Variants in DNAH14 observed in about 807,000 individuals in gnomAD.
DNAH14 encodes the protein dynein axonemal heavy chain 14, also known as axonemal beta dynein heavy chain 14.
In DNAH14, 478 loss-of-function variants were observed where a neutral mutation model predicts 520.9. The observed-to-expected ratio is 0.92, with a 90% CI of 0.85 to 0.99. The LOEUF (loss-of-function observed/expected upper bound fraction) is 0.99, where lower values mean the gene tolerates loss of function less well. DNAH14 is among the 50% of genes least tolerant of loss of function. The pLI is 0.00. For missense variants in DNAH14, 4,831 were observed against 5,234.5 expected (o/e 0.92, Z 2.38); for synonymous variants, 1,581 against 1,757.2 (o/e 0.90, Z 2.51).
intron 11 of DNAH14, among the ~76,000 whole-genome samples, chr1:225,033,649 A>G (rs983793137): frequency 6.6e-6 from 1 of 152,168 alleles, no homozygotes; most frequent in African/African-American, 2.4e-5. Flanking sequence ...ATAGCATTGA[A>G]TCTGTAAATT....
intron 43 of DNAH14, among the ~76,000 whole-genome samples, chr1:225,244,254 C>T (rs1210138962): frequency 6.6e-6 from 1 of 152,100 alleles, no homozygotes; most frequent in Non-Finnish European, 1.5e-5. Context: ...ATTCATTTTG[C>T]CAGTATTTTA....
chr1:224,936,205 A>T (rs1036305178), intron 1 of DNAH14, among the ~76,000 whole-genome samples: 1 of 151,854 alleles, frequency 6.6e-6, no homozygotes, highest in Non-Finnish European at 1.5e-5. Flanking sequence ...GAAGAAAAGA[A>T]ATAATAAAGA....
chr1:225,052,391 A>G (rs2068621676), intron 17 of DNAH14, among the ~76,000 whole-genome samples: 1 of 152,206 alleles, frequency 6.6e-6, no homozygotes, highest in African/African-American at 2.4e-5. Flanking sequence ...TTTCTAGGAC[A>G]GCTTAGATCC....
At chr1:225,121,379 A>G (rs1345823214) in intron 26 of DNAH14, among the ~76,000 whole-genome samples, 1 of 152,172 alleles carries the variant, frequency 6.6e-6, no homozygotes, top group African/African-American at 2.4e-5. Context: ...TTGTATCCTT[A>G]GACTAACTTC....
chr1:225,252,379 C>A lies in DNAH14; in HGVS notation c.6827C>A (p.Ser2276Ter). 2 of 1,546,242 alleles carry A rather than the reference C, an allele frequency of 1.3e-6. No individual in the cohort carries two copies. The highest frequency in any genetic ancestry group is 2.4e-5 in the South Asian group (2 of 83,662). Residue 2276 changes from serine (S) to a stop codon, truncating the protein, a stop_gained, in exon 44 of 86, where the codon TCA becomes TAA. Transcript: ENST00000682510. LOFTEE classifies it high-confidence loss of function. ...GAGCAATGTGAATTCATACCTTGGTCAGATTTAGTTCCTAATGATCAGACA... is the reference window on the plus strand; with the variant it reads ...GAGCAATGTGAATTCATACCTTGGTAAGATTTAGTTCCTAATGATCAGACA... Reference protein sequence around the residue: ...DIEQCEFIPWSDLVPNDQTLI... With the variant: ...DIEQCEFIPW
chr1:224,944,636 G>T (rs1025439056), intron 1 of DNAH14, among the ~76,000 whole-genome samples: 1 of 152,176 alleles, frequency 6.6e-6, no homozygotes, highest in Non-Finnish European at 1.5e-5. Flanking sequence ...GGTACCAGTT[G>T]TTCCTTTCCA....
At chr1:225,169,033 C>T (rs538033116) in intron 36 of DNAH14, among the ~76,000 whole-genome samples, 1 of 152,216 alleles carries the variant, frequency 6.6e-6, no homozygotes. Context: ...GATACCCAGA[C>T]AAACAGGGTC....
intron 66 of DNAH14, among the ~76,000 whole-genome samples, chr1:225,333,974 A>G (rs887886577): frequency 1.9e-4 from 29 of 152,244 alleles, no homozygotes; most frequent in Non-Finnish European, 4.3e-4. Context: ...TCCTCCGAGA[A>G]TAATTTTAGA....
At chr1:225,269,173 C>A (rs1008298916) in intron 49 of DNAH14, among the ~76,000 whole-genome samples, 17 of 152,116 alleles carry the variant, frequency 1.1e-4, no homozygotes, top group African/African-American at 4.1e-4. Context: ...GAAATAATGC[C>A]ACACGTCTAC....
intron 76 of DNAH14, among the ~76,000 whole-genome samples, chr1:225,367,199 C>A (rs981587346): frequency 3.9e-5 from 6 of 152,106 alleles, no homozygotes; most frequent in African/African-American, 1.4e-4. Flanking sequence ...GCCACACTCT[C>A]AAAAAAGCCC....
At position 224,998,050 on chromosome 1, in the gene DNAH14, C is replaced by T. The variant is rs1198753915; in HGVS notation, c.831-4733C>T. Among the ~76,000 whole-genome samples, 8 of 152,290 alleles carry T rather than the reference C, an allele frequency of 5.3e-5. No homozygotes were observed. The East Asian group carries it at 1.5e-3, about 29-fold the overall frequency. On this transcript the variant is annotated intron_variant, in intron 8 of 85. Transcript: ENST00000682510. ...TGTTTTTTGAGGAATTGGTACGTTTCATCTAAGTTGTCAGATTTATGTATA... is the reference window on the plus strand; with the variant it reads ...TGTTTTTTGAGGAATTGGTACGTTTTATCTAAGTTGTCAGATTTATGTATA...
chr1:225,085,731 A>ATATGCTGCTTGCTTGC lies in DNAH14; in HGVS notation c.3515_3516insTATGCTGCTTGCTTGC (p.Glu1172AspfsTer16). ...ATAGATGACATATCAGCTCAGTTAG[A>ATATGCTGCTTGCTTGC]AGAGTCTCAAGTCATACTTGCAACA... On this transcript the variant is annotated frameshift_variant, in exon 21 of 86. Transcript: ENST00000682510. LOFTEE classifies it high-confidence loss of function. 1 of 1,551,578 alleles carries ATATGCTGCTTGCTTGC rather than the reference A, an allele frequency of 6.4e-7. No homozygotes were observed. Among genetic ancestry groups the ATATGCTGCTTGCTTGC allele is most frequent in the South Asian group, 1.2e-5 (1 of 84,024 alleles).
intron 11 of DNAH14, among the ~76,000 whole-genome samples, chr1:225,029,033 A>C (rs999869951): frequency 6.6e-6 from 1 of 152,094 alleles, no homozygotes; most frequent in African/African-American, 2.4e-5. Flanking sequence ...TAATTGTTCA[A>C]ATCTGGAAAT....
intron 11 of DNAH14, among the ~76,000 whole-genome samples, chr1:225,032,405 G>A (rs906804838): frequency 5.3e-5 from 8 of 151,984 alleles, no homozygotes; most frequent in East Asian, 1.9e-4. Context: ...TGTAAAACAC[G>A]TGATCTCATT....
intron 17 of DNAH14, among the ~76,000 whole-genome samples, chr1:225,053,203 T>C (rs1304880425): frequency 1.3e-5 from 2 of 151,676 alleles, no homozygotes; most frequent in Non-Finnish European, 2.9e-5. Context: ...GTTACTAAAG[T>C]GGTGAAGGAA....
At chr1:225,199,187 T>A (rs775093114) in intron 38 of DNAH14, among the ~76,000 whole-genome samples, 1 of 152,232 alleles carries the variant, frequency 6.6e-6, no homozygotes, top group Non-Finnish European at 1.5e-5. Context: ...TCAGTTGTAA[T>A]ATCTACTGTT....
chr1:225,351,579 T>C, intron 71 of DNAH14, 68 bp from the exon 72 acceptor site: 1 of 1,156,744 alleles, frequency 8.6e-7, no homozygotes, highest in Non-Finnish European at 1.2e-6. Flanking sequence ...AAGTATCTAC[T>C]TTGTAATGAA....
At chr1:224,998,548 A>G (rs541377948) in intron 8 of DNAH14, among the ~76,000 whole-genome samples, 14 of 152,030 alleles carry the variant, frequency 9.2e-5, no homozygotes, top group African/African-American at 3.4e-4. Flanking sequence ...TTCAATTTCC[A>G]GTGTTTAGAT....
rs2095925263 is a variant in DNAH14, at chr1:225,392,197, T to TC, written c.13331-91dup. The TC allele has an allele frequency of 7.1e-6, 10 of 1,411,410 alleles. No individual in the cohort carries two copies. The Admixed American group carries it at 2.4e-4, about 33-fold the overall frequency. The allele number at this position is 1,411,410 out of a possible 1,614,324, so 87.4% of individuals were successfully genotyped here. ...TTGTTCTCTCTTTTTCCTCCACTCT[T>TC]CCCTTTCTTCTCCATGAGACATCAT... On this transcript the variant is annotated intron_variant, in intron 83 of 85. Coordinates refer to ENST00000682510, the MANE Select transcript of DNAH14 (RefSeq NM_001367479.1).
Sources: allele counts gnomAD v4.1 joint callset (sites outside exome capture counted in the v4.1 genomes callset), GRCh38; gene constraint gnomAD v4.1.1; transcripts MANE v1.5; gene names NCBI Gene and HGNC (gene_info 2026-07-23, HGNC 2026-07-21).